The following CENPU variants were observed in gnomAD, a reference collection of about 807,000 sequenced individuals.
CENPU encodes centromere protein U.
A neutral mutation model predicts 56.7 loss-of-function variants in CENPU; 46 were observed. The observed-to-expected ratio is 0.81, with a 90% CI of 0.64 to 1.04. CENPU has a LOEUF of 1.04. Ranked by LOEUF, CENPU falls within the 50% of genes least tolerant of loss-of-function variation. CENPU has a pLI of 0.00. For synonymous variants in CENPU, 166 were observed against 163.0 expected (o/e 1.02, Z -0.14); for missense variants, 510 against 490.1 (o/e 1.04, Z -0.38).
intron 1 of CENPU, among the ~76,000 whole-genome samples, 194 bp from the exon 2 acceptor site, chr4:184,731,162 A>G (rs913610429): frequency 6.6e-6 from 1 of 152,158 alleles, no homozygotes; most frequent in Admixed American, 6.5e-5. Context: ...AGGGACATGG[A>G]AAAGTTGGAA....
intron 1 of CENPU, 66 bp from the exon 2 acceptor site, chr4:184,731,034 T>C: frequency 1.7e-6 from 2 of 1,175,410 alleles, no homozygotes; most frequent in Admixed American, 3.0e-5. Flanking sequence ...ACACCATAGT[T>C]ATGACCCTTT....
At position 184,694,273 on chromosome 4, in the gene CENPU, A is replaced by C; in HGVS notation, c.*1015T>G. ...GCTCTTCCGTCGGGGAGTATTGAAA[A>C]GTATGTGCACAGAACTGTAGGTAAT... On this transcript the variant is annotated 3_prime_UTR_variant, in exon 13 of 13. Transcript: ENST00000281453. The C allele has an allele frequency of 1.6e-6, 2 of 1,213,058 alleles. No homozygotes were observed. The highest frequency in any genetic ancestry group is 1.0e-6 in the Non-Finnish European group (1 of 971,188). The allele number at this position is 1,213,058 out of a possible 1,614,324, so 75.1% of individuals were successfully genotyped here. A position where few individuals can be genotyped will look rare whatever the true frequency, so the allele number is the denominator to read the frequency against.
At chr4:184,712,688 T>C (rs1386800374) in intron 7 of CENPU, among the ~76,000 whole-genome samples, 1 of 152,196 alleles carries the variant, frequency 6.6e-6, no homozygotes, top group Non-Finnish European at 1.5e-5. Context: ...AAGTAAATAA[T>C]AAAATGTTAA....
intron 11 of CENPU, 63 bp from the exon 12 acceptor site, chr4:184,697,866 G>A (rs1760392615): frequency 1.5e-6 from 2 of 1,334,386 alleles, no homozygotes; most frequent in Non-Finnish European, 2.0e-6. Flanking sequence ...AACTGAGGTT[G>A]TAAGTACGCT....
intron 7 of CENPU, among the ~76,000 whole-genome samples, chr4:184,711,357 TA>T (rs1387818466): frequency 1.3e-5 from 2 of 152,198 alleles, no homozygotes; most frequent in African/African-American, 4.8e-5. Context: ...ATGTATTGTG[TA>T]AAAAAATCAA....
intron 4 of CENPU, among the ~76,000 whole-genome samples, chr4:184,718,046 A>G (rs1761151018): frequency 6.6e-6 from 1 of 152,190 alleles, no homozygotes. Flanking sequence ...GACGGGCTGC[A>G]GGGCACCCAC....
intron 5 of CENPU, 105 bp downstream of exon 5, chr4:184,717,031 T>A: frequency 1.4e-6 from 1 of 727,370 alleles, no homozygotes; most frequent in Admixed American, 2.6e-5. Context: ...TCTATTTGCA[T>A]CCAATCTAAA....
At chr4:184,711,850 C>T (rs923843797) in intron 7 of CENPU, among the ~76,000 whole-genome samples, 1 of 151,984 alleles carries the variant, frequency 6.6e-6, no homozygotes, top group African/African-American at 2.4e-5. Context: ...TGGCTGGGTG[C>T]GGTGGCTCAC....
intron 5 of CENPU, 127 bp from the exon 6 acceptor site, chr4:184,716,760 T>C (rs1000408303): frequency 4.1e-5 from 30 of 732,204 alleles, no homozygotes; most frequent in Middle Eastern, 4.0e-4. Context: ...TTGAACATAA[T>C]AGGAAGACGG....
chr4:184,701,303 C>T (rs892786342), intron 10 of CENPU, among the ~76,000 whole-genome samples: 4 of 152,150 alleles, frequency 2.6e-5, no homozygotes, highest in Non-Finnish European at 5.9e-5. Context: ...TTAGTGACTA[C>T]CTAATTCTCC....
intron 7 of CENPU, among the ~76,000 whole-genome samples, chr4:184,710,976 C>T (rs1760902851): frequency 6.6e-6 from 1 of 152,158 alleles, no homozygotes; most frequent in Admixed American, 6.5e-5. Flanking sequence ...CCACCTCAGC[C>T]TCCCAAGCAG....
intron 4 of CENPU, among the ~76,000 whole-genome samples, chr4:184,718,310 T>C (rs1761161449): frequency 6.6e-6 from 1 of 152,258 alleles, no homozygotes; most frequent in South Asian, 2.1e-4. Context: ...CCGTAGGCAC[T>C]GCAGTGCAGT....
intron 4 of CENPU, among the ~76,000 whole-genome samples, chr4:184,723,942 T>C (rs565230051): frequency 3.8e-4 from 58 of 151,784 alleles, no homozygotes; most frequent in African/African-American, 1.4e-3. Flanking sequence ...ACTTCTCAGA[T>C]TTCTGCCCAG....
chr4:184,727,053 T>C (rs1761480960), intron 3 of CENPU, among the ~76,000 whole-genome samples: 1 of 146,262 alleles, frequency 6.8e-6, no homozygotes, highest in Non-Finnish European at 1.5e-5. Context: ...GAGGTGGAGG[T>C]TGCAGTGAGC....
intron 3 of CENPU, among the ~76,000 whole-genome samples, chr4:184,728,063 C>T (rs776335970): frequency 2.6e-5 from 4 of 152,118 alleles, no homozygotes; most frequent in Admixed American, 1.3e-4. Flanking sequence ...ATAATGCAGA[C>T]GGTTGTACAA....
chr4:184,728,219 T>C (rs1327394228), intron 3 of CENPU, among the ~76,000 whole-genome samples: 1 of 152,226 alleles, frequency 6.6e-6, no homozygotes, highest in Non-Finnish European at 1.5e-5. Flanking sequence ...GACATTTTTA[T>C]CAAGTCATAA....
chr4:184,716,705 A>G (rs1254940382), intron 5 of CENPU, 72 bp from the exon 6 acceptor site: 1 of 1,144,274 alleles, frequency 8.7e-7, no homozygotes, highest in Non-Finnish European at 1.3e-6. Context: ...GTAATAGTAG[A>G]AAACCATATA....
chr4:184,695,425 T>C, intron 12 of CENPU, 24 bp from the exon 13 acceptor site: 2 of 1,521,248 alleles, frequency 1.3e-6, no homozygotes, highest in Non-Finnish European at 1.8e-6. Context: ...ATTATATAAT[T>C]AGCAATATCA....
At chr4:184,715,334 T>A (rs1055466169) in intron 6 of CENPU, among the ~76,000 whole-genome samples, 7 of 152,138 alleles carry the variant, frequency 4.6e-5, no homozygotes, top group Non-Finnish European at 8.8e-5. Flanking sequence ...TTCTTTGTTT[T>A]TTGAGACAGA....
Sources: allele counts gnomAD v4.1 joint callset (sites outside exome capture counted in the v4.1 genomes callset), GRCh38; gene constraint gnomAD v4.1.1; transcripts MANE v1.5; gene names NCBI Gene and HGNC (gene_info 2026-07-23, HGNC 2026-07-21).